DENND6A: variants seen among roughly 807,000 people sequenced by gnomAD.
DENND6A encodes the protein DENN domain containing 6A.
A neutral mutation model predicts 95.5 loss-of-function variants in DENND6A; 43 were observed. That is an observed-to-expected ratio of 0.45 (90% CI 0.35 to 0.58). The LOEUF (loss-of-function observed/expected upper bound fraction) is 0.58. DENND6A is among the 20% of genes least tolerant of loss of function. The probability of loss-of-function intolerance (pLI) is 0.00; values close to 1 mark genes in which losing one functional copy is unlikely to be tolerated. For missense variants in DENND6A, 574 were observed against 736.0 expected (o/e 0.78, Z 2.55); for synonymous variants, 257 against 260.4 (o/e 0.99, Z 0.13).
chr3:57,670,673 A>G (rs1159502311), intron 3 of DENND6A, among the ~76,000 whole-genome samples: 1 of 152,164 alleles, frequency 6.6e-6, no homozygotes, highest in African/African-American at 2.4e-5. Flanking sequence ...CTTCAACTCA[A>G]AATAATTCTT....
intron 12 of DENND6A, among the ~76,000 whole-genome samples, chr3:57,636,998 A>C (rs2070809457): frequency 6.6e-6 from 1 of 152,042 alleles, no homozygotes; most frequent in Admixed American, 6.6e-5. Flanking sequence ...TTGAGTAAAA[A>C]GTTAAATACA....
chr3:57,666,131 A>T lies in DENND6A; in HGVS notation c.424T>A (p.Tyr142Asn). 6.2e-7 allele frequency: 1 copy of T among 1,613,190 alleles called. No individual in the cohort carries two copies. Among genetic ancestry groups the T allele is most frequent in the South Asian group, 1.1e-5 (1 of 90,852 alleles). The change falls in exon 4 of 20, where the codon TAC (tyrosine) becomes AAC (asparagine). Residue 142 changes from tyrosine to asparagine, a missense_variant. Tyr to Asn is a moderately radical substitution (Grantham distance 143). This residue lies in a region of DENND6A where 452 missense variants were observed against 630.9 expected (regional missense o/e 0.72). Transcript: ENST00000311128. Reference protein sequence around the residue: ...LDQFDKDLPVYLKKDPAYFYG... With the variant: ...LDQFDKDLPVNLKKDPAYFYG... ...ATGACTACTTTTCCAACCTTTAAGT[A>T]AACTGGTAAATCTTTGTCAAATTGA...
intron 1 of DENND6A, among the ~76,000 whole-genome samples, chr3:57,685,795 T>C (rs891734352): frequency 5.3e-5 from 8 of 152,182 alleles, no homozygotes; most frequent in African/African-American, 1.9e-4. Context: ...TCTATGTTCA[T>C]TCTATTGCAA....
At chr3:57,632,076 G>A (rs2070695607) in intron 15 of DENND6A, among the ~76,000 whole-genome samples, 1 of 143,094 alleles carries the variant, frequency 7.0e-6, no homozygotes, top group Admixed American at 7.4e-5. Flanking sequence ...GCTGAGTGCA[G>A]TGGCGCGATC....
At chr3:57,653,466 C>A (rs1478738094) in intron 9 of DENND6A, among the ~76,000 whole-genome samples, 3 of 151,996 alleles carry the variant, frequency 2.0e-5, no homozygotes, top group Admixed American at 6.6e-5. Context: ...TAGTAGTAGG[C>A]CGGGCGCGGT....
intron 18 of DENND6A, 49 bp from the exon 19 acceptor site, chr3:57,628,934 A>G (rs377748447): frequency 6.5e-7 from 1 of 1,531,956 alleles, no homozygotes; most frequent in African/African-American, 1.4e-5. Flanking sequence ...ATAATATTCA[A>G]ACCTCTCTAT....
At chr3:57,684,596 C>A (rs956706353) in intron 1 of DENND6A, among the ~76,000 whole-genome samples, 1 of 151,874 alleles carries the variant, frequency 6.6e-6, no homozygotes, top group Non-Finnish European at 1.5e-5. Flanking sequence ...CCAGTCTGGG[C>A]AACACAGCAA....
chr3:57,632,506 G>A (rs1209973187), intron 15 of DENND6A, among the ~76,000 whole-genome samples: 1 of 152,030 alleles, frequency 6.6e-6, no homozygotes, highest in South Asian at 2.1e-4. Context: ...CTACAGTAAA[G>A]TTTATTTATT....
intron 3 of DENND6A, among the ~76,000 whole-genome samples, chr3:57,668,471 T>G (rs960415667): frequency 6.6e-6 from 1 of 152,118 alleles, no homozygotes; most frequent in African/African-American, 2.4e-5. Flanking sequence ...CAGGAACACC[T>G]ACATCCAGAT....
intron 12 of DENND6A, among the ~76,000 whole-genome samples, chr3:57,638,684 A>G (rs1299259231): frequency 6.6e-6 from 1 of 152,208 alleles, no homozygotes; most frequent in African/African-American, 2.4e-5. Flanking sequence ...TAAATAAATA[A>G]ATAAATAAAA....
chr3:57,690,452 C>T (rs1040549663), intron 1 of DENND6A, among the ~76,000 whole-genome samples: 10 of 151,766 alleles, frequency 6.6e-5, no homozygotes, highest in African/African-American at 2.4e-4. Context: ...TGCAGGGAGG[C>T]GGAGCTTGCA....
intron 12 of DENND6A, among the ~76,000 whole-genome samples, chr3:57,640,934 A>G (rs1212375280): frequency 6.6e-6 from 1 of 151,984 alleles, no homozygotes; most frequent in African/African-American, 2.4e-5. Context: ...TACCATGAAC[A>G]AGGTACTGTA....
chr3:57,683,506 C>T (rs150779829), intron 1 of DENND6A, among the ~76,000 whole-genome samples: 3,727 of 152,210 alleles, frequency 0.024, 74 homozygotes, highest in Non-Finnish European at 0.032. Flanking sequence ...CAAACAGAAG[C>T]AAGTATCTAC....
At chr3:57,671,801 G>C (rs2071622432) in intron 3 of DENND6A, among the ~76,000 whole-genome samples, 1 of 152,078 alleles carries the variant, frequency 6.6e-6, no homozygotes, top group Middle Eastern at 3.2e-3. Flanking sequence ...CTACGCCAAG[G>C]CTTTACCTAT....
In DENND6A at chr3:57,637,285, G is replaced by T. The variant is rs188254248; in HGVS notation, c.1133-2516C>A. On this transcript the variant is annotated intron_variant, in intron 12 of 19. Coordinates refer to ENST00000311128, the MANE Select transcript of DENND6A (RefSeq NM_152678.3). ...AATGAGTGCCCTATTAAGACAGGTT[G>T]TTAGCTCTGTCATAACTAGACACAG... 2.0e-3 allele frequency among the ~76,000 whole-genome samples: 306 copies of T among 152,316 alleles called. 4 individuals carry two copies. The Middle Eastern group carries it at 0.031, about 15-fold the overall frequency.
chr3:57,689,368 G>C (rs1013325649), intron 1 of DENND6A, among the ~76,000 whole-genome samples: 14 of 151,896 alleles, frequency 9.2e-5, no homozygotes, highest in Admixed American at 8.5e-4. Context: ...GATAATTAAG[G>C]CTTTACTAAA....
chr3:57,628,377 T>TA (rs772616242), intron 19 of DENND6A, 32 bp from the exon 20 acceptor site: 16 of 1,606,162 alleles, frequency 1.0e-5, no homozygotes, highest in African/African-American at 1.3e-5. Context: ...ACATTTAAAT[T>TA]ATCCTCAGAA....
chr3:57,667,110 C>G (rs1010721032), intron 3 of DENND6A, among the ~76,000 whole-genome samples: 3 of 152,040 alleles, frequency 2.0e-5, no homozygotes, highest in Non-Finnish European at 4.4e-5. Flanking sequence ...CTCACTGCAA[C>G]CTTCACTGCT....
At chr3:57,672,501 G>T in intron 1 of DENND6A, 63 bp from the exon 2 acceptor site, 8 of 1,516,166 alleles carry the variant, frequency 5.3e-6, no homozygotes, top group Non-Finnish European at 7.2e-6. Flanking sequence ...ACATATTATA[G>T]GCCAGGCACG....
Sources: allele counts gnomAD v4.1 joint callset (sites outside exome capture counted in the v4.1 genomes callset), GRCh38; gene constraint gnomAD v4.1.1; regional missense constraint gnomAD v4.1.1; transcripts MANE v1.5; gene names NCBI Gene and HGNC (gene_info 2026-07-23, HGNC 2026-07-21).